The following NUTF2 variants were observed in gnomAD, a reference collection of about 807,000 sequenced individuals.
The protein encoded by NUTF2 is placental protein 15.
Under a neutral mutation model 18.5 loss-of-function variants are expected in NUTF2, and 3 were observed. That is an observed-to-expected ratio of 0.16 (90% CI 0.07 to 0.42). The LOEUF is 0.42. Ranked by LOEUF, NUTF2 falls within the 10% of genes least tolerant of loss-of-function variation. The pLI is 0.99. For missense variants in NUTF2, 44 were observed against 160.7 expected (o/e 0.27, Z 3.93); for synonymous variants, 51 against 57.9 (o/e 0.88, Z 0.54).
At chr16:67,850,370 A>C (rs1354322547) in intron 1 of NUTF2, among the ~76,000 whole-genome samples, 1 of 151,776 alleles carries the variant, frequency 6.6e-6, no homozygotes, top group Admixed American at 6.6e-5. Flanking sequence ...ACGCCCGGCT[A>C]ATTTTTTGTG....
chr16:67,855,538 G>A (rs2057889440), intron 1 of NUTF2, among the ~76,000 whole-genome samples: 1 of 152,160 alleles, frequency 6.6e-6, no homozygotes, highest in Non-Finnish European at 1.5e-5. Context: ...TGGGGTACCT[G>A]GGAACTGAGG....
At chr16:67,858,257 TC>T (rs757497524) in intron 1 of NUTF2, among the ~76,000 whole-genome samples, 1 of 152,170 alleles carries the variant, frequency 6.6e-6, no homozygotes, top group Non-Finnish European at 1.5e-5. Flanking sequence ...AATATTTGCC[TC>T]CCTGGTTCAA....
intron 1 of NUTF2, among the ~76,000 whole-genome samples, chr16:67,851,047 C>T (rs533610821): frequency 2.8e-4 from 43 of 152,102 alleles, no homozygotes; most frequent in Non-Finnish European, 5.7e-4. Flanking sequence ...GTGACCCACT[C>T]GCCTTGGCTG....
intron 1 of NUTF2, among the ~76,000 whole-genome samples, chr16:67,861,298 A>G (rs540879173): frequency 2.0e-4 from 30 of 152,336 alleles, no homozygotes; most frequent in Non-Finnish European, 3.8e-4. Flanking sequence ...TGTGCCTCAT[A>G]TGCATTAGTG....
intron 2 of NUTF2, among the ~76,000 whole-genome samples, chr16:67,867,414 T>C (rs1288968180): frequency 6.6e-6 from 1 of 152,184 alleles, no homozygotes; most frequent in East Asian, 1.9e-4. Flanking sequence ...ATAACTTACT[T>C]AATGTCACAG....
Sources: allele counts gnomAD v4.1 joint callset (sites outside exome capture counted in the v4.1 genomes callset), GRCh38; gene constraint gnomAD v4.1.1; transcripts MANE v1.5; gene names NCBI Gene and HGNC (gene_info 2026-07-23, HGNC 2026-07-21).